The following SLC38A9 variants were observed in gnomAD, a reference collection of about 807,000 sequenced individuals.
The protein encoded by SLC38A9 is neutral amino acid transporter 9.
SLC38A9 carries 48 observed loss-of-function variants against 62.3 expected under a neutral mutation model. The ratio of observed to expected loss-of-function variants is 0.77; its 90% CI spans 0.61 to 0.98. The LOEUF (loss-of-function observed/expected upper bound fraction) is 0.98, where lower values mean the gene tolerates loss of function less well. SLC38A9 is among the 50% of genes least tolerant of loss of function. The probability of loss-of-function intolerance (pLI) is 0.00; values close to 1 mark genes in which losing one functional copy is unlikely to be tolerated. For synonymous variants in SLC38A9, 204 were observed against 227.7 expected (o/e 0.90, Z 0.94); for missense variants, 541 against 679.8 (o/e 0.80, Z 2.27).
At chr5:55,686,562 T>G (rs1315002965) in intron 3 of SLC38A9, among the ~76,000 whole-genome samples, 1 of 152,236 alleles carries the variant, frequency 6.6e-6, no homozygotes, top group African/African-American at 2.4e-5. Context: ...TCTTCCACTC[T>G]GTAGGTTGTC....
At chr5:55,657,439 A>G (rs1249172194) in intron 8 of SLC38A9, among the ~76,000 whole-genome samples, 2 of 152,194 alleles carry the variant, frequency 1.3e-5, no homozygotes, top group Non-Finnish European at 2.9e-5. Flanking sequence ...AAAGTGTGCA[A>G]AAAGGGGAAA....
chr5:55,664,831 C>G lies in SLC38A9; in HGVS notation c.559G>C (p.Asp187His), dbSNP rs200547014. ...GAGCCGAAATAATGTCTGCAGACATCTGGATATTCCCAGCTAGTGGTATCC... is the reference window on the plus strand; with the variant it reads ...GAGCCGAAATAATGTCTGCAGACATGTGGATATTCCCAGCTAGTGGTATCC... The part of the protein sequence containing the change: ...SLDTTSWEYP[D>H]VCRHYFGSFG... The change falls in exon 8 of 16, where the codon GAT becomes CAT. Residue 187 changes from aspartate to histidine, a missense_variant. Coordinates refer to ENST00000396865, the MANE Select transcript of SLC38A9 (RefSeq NM_173514.4). 4.5e-6 allele frequency: 7 copies of G among 1,561,352 alleles called. No homozygotes were observed. The highest frequency in any genetic ancestry group is 6.0e-6 in the Non-Finnish European group (7 of 1,158,624).
rs1433057199 is a variant in SLC38A9 at position 55,695,901 on chromosome 5, C to A, written c.113+1945G>T. ...GGCGGCTGGCCGGGCGGGGGGCTAA[C>A]CCCCCCACCTCCCTCCCGGACGGGG... On this transcript the variant is annotated intron_variant, in intron 3 of 15. Transcript: ENST00000396865. The A allele has an allele frequency of 2.5e-5, 2 of 80,192 alleles. 1 individual carries two copies. The highest frequency in any genetic ancestry group is 6.4e-4 in the East Asian group (2 of 3,108). The allele number at this position is 80,192 out of a possible 1,614,324, so 5.0% of individuals were successfully genotyped here.
intron 4 of SLC38A9, among the ~76,000 whole-genome samples, chr5:55,670,882 C>T (rs774796569): frequency 2.0e-5 from 3 of 150,996 alleles, no homozygotes; most frequent in Non-Finnish European, 4.4e-5. Flanking sequence ...GGGAAAAAGC[C>T]GAAAAAAAAA....
chr5:55,702,427 A>ATT (rs113500611), intron 2 of SLC38A9, among the ~76,000 whole-genome samples: 1 of 143,994 alleles, frequency 6.9e-6, no homozygotes, highest in African/African-American at 2.5e-5. Context: ...ATGCCTGGCT[A>ATT]TTTTTTTTTT....
intron 3 of SLC38A9, among the ~76,000 whole-genome samples, chr5:55,694,941 C>T (rs6450340): frequency 0.6 from 91,096 of 151,830 alleles, 27,899 homozygotes; most frequent in South Asian, 0.7. Context: ...TTAGTAGAGA[C>T]CAGGTTTTGC....
intron 3 of SLC38A9, among the ~76,000 whole-genome samples, chr5:55,678,939 C>A (rs981799224): frequency 1.3e-4 from 20 of 152,032 alleles, no homozygotes; most frequent in African/African-American, 4.6e-4. Flanking sequence ...AGATTACAGG[C>A]ATGAGCCACT....
intron 9 of SLC38A9, among the ~76,000 whole-genome samples, chr5:55,653,119 A>C (rs1321106933): frequency 1.3e-5 from 2 of 152,046 alleles, no homozygotes; most frequent in African/African-American, 4.8e-5. Flanking sequence ...GGCACACATC[A>C]CCATGCCCAG....
intron 2 of SLC38A9, among the ~76,000 whole-genome samples, chr5:55,707,197 C>CT (rs1561453901): frequency 6.6e-6 from 1 of 152,022 alleles, no homozygotes; most frequent in African/African-American, 2.4e-5. Flanking sequence ...AGTCTTAAAG[C>CT]TTTTTTGAAT....
rs192141968 is a variant in SLC38A9, at chr5:55,642,109, G to A, written c.1167+3680C>T. On this transcript the variant is annotated intron_variant, in intron 12 of 15. Transcript: ENST00000396865. ...CACCCAGGCTGGAGTGCAGTGGCGC[G>A]ATCTCGGCTCACCACAACATCCACC... is the stretch of plus-strand genomic sequence containing the variant. 3.2e-3 allele frequency among the ~76,000 whole-genome samples: 490 copies of A among 152,234 alleles called. 12 individuals are homozygous for A. The highest frequency in any genetic ancestry group is 1.2e-3 in the Non-Finnish European group (79 of 68,018).
At position 55,629,945 on chromosome 5, in the gene SLC38A9, T is replaced by C. The variant is rs1379992209; in HGVS notation, c.1431-1965A>G. Among the ~76,000 whole-genome samples, 8 of 152,174 alleles carry C rather than the reference T, an allele frequency of 5.3e-5. No homozygotes were observed. The South Asian group carries it at 1.5e-3, about 28-fold the overall frequency. On this transcript the variant is annotated intron_variant, in intron 14 of 15. Coordinates refer to ENST00000396865, the MANE Select transcript of SLC38A9 (RefSeq NM_173514.4). ...CATTTGGAAGATCCACAGAACTCAG[T>C]GAACCAATATTTTCCAAATGATCAA...
intron 9 of SLC38A9, among the ~76,000 whole-genome samples, chr5:55,656,387 C>T (rs1243051287): frequency 6.6e-6 from 1 of 151,102 alleles, no homozygotes; most frequent in East Asian, 1.9e-4. Context: ...TTCTAGACAT[C>T]TGATATAATT....
intron 3 of SLC38A9, among the ~76,000 whole-genome samples, chr5:55,687,426 CAAAAAAAAAAA>C (rs34476189): frequency 1.3e-5 from 1 of 76,394 alleles, no homozygotes; most frequent in Non-Finnish European, 2.3e-5. Flanking sequence ...GACTCCGTCT[CAAAAAAAAAAA>C]AAAAAAAAAA....
intron 14 of SLC38A9, among the ~76,000 whole-genome samples, chr5:55,630,874 G>A (rs929523360): frequency 6.6e-6 from 1 of 152,100 alleles, no homozygotes; most frequent in Non-Finnish European, 1.5e-5. Flanking sequence ...GCTCATGCCT[G>A]TAATACCAGC....
At chr5:55,639,345 A>G (rs73123891) in intron 12 of SLC38A9, among the ~76,000 whole-genome samples, 7,289 of 149,206 alleles carry the variant, frequency 0.049, 300 homozygotes, top group African/African-American at 0.12. Flanking sequence ...ATTTCGTGGG[A>G]AAAAAAAATG....
At chr5:55,689,998 T>C (rs1754497421) in intron 3 of SLC38A9, among the ~76,000 whole-genome samples, 1 of 151,866 alleles carries the variant, frequency 6.6e-6, no homozygotes, top group South Asian at 2.1e-4. Context: ...CAAGCAATTA[T>C]GGATACAAAA....
chr5:55,642,726 A>G (rs1171174929), intron 12 of SLC38A9, among the ~76,000 whole-genome samples: 3 of 152,244 alleles, frequency 2.0e-5, no homozygotes, highest in African/African-American at 7.2e-5. Context: ...TAATTTTTAC[A>G]TATGACAAAA....
intron 3 of SLC38A9, among the ~76,000 whole-genome samples, chr5:55,676,926 ATT>A (rs1752185358): frequency 1.3e-5 from 2 of 152,172 alleles, no homozygotes; most frequent in Non-Finnish European, 2.9e-5. Flanking sequence ...AGATGGTTTT[ATT>A]GCTGAACATG....
At chr5:55,695,039 C>A (rs985545107) in intron 3 of SLC38A9, among the ~76,000 whole-genome samples, 8 of 152,152 alleles carry the variant, frequency 5.3e-5, no homozygotes, top group African/African-American at 1.9e-4. Flanking sequence ...AGGCATGAGC[C>A]ACCGTGCGTG....
Sources: allele counts gnomAD v4.1 joint callset (sites outside exome capture counted in the v4.1 genomes callset), GRCh38; gene constraint gnomAD v4.1.1; transcripts MANE v1.5; gene names NCBI Gene and HGNC (gene_info 2026-07-23, HGNC 2026-07-21).